The following ZNF692 variants were observed in gnomAD, a reference collection of about 807,000 sequenced individuals.
ZNF692 encodes zinc finger protein 692.
A neutral mutation model predicts 49.0 loss-of-function variants in ZNF692; 41 were observed. The observed-to-expected ratio is 0.84, with a 90% CI of 0.65 to 1.08. The LOEUF (loss-of-function observed/expected upper bound fraction) is 1.08. Ranked by LOEUF, ZNF692 falls within the 50% of genes least tolerant of loss-of-function variation. The probability of loss-of-function intolerance (pLI) is 0.00; values close to 1 mark genes in which losing one functional copy is unlikely to be tolerated. For missense variants in ZNF692, 662 were observed against 662.2 expected, an observed-to-expected ratio of 1.00 and a Z score of 0.00; for synonymous variants, 288 against 251.5, an observed-to-expected ratio of 1.15 and a Z score of -1.37.
At position 248,856,387 on chromosome 1, in the gene ZNF692, G is replaced by A; in HGVS notation, c.560C>T (p.Pro187Leu). ...VGPPPETFPP[P>L]GEEEGEEEED... is the part of the protein sequence containing the mutation. ...TTCTTCCTCACCCTCTTCCTCTCCTGGAGGTGGGAAGGTCTCTGGTGGGGG... is the reference window on the plus strand; with the variant it reads ...TTCTTCCTCACCCTCTTCCTCTCCTAGAGGTGGGAAGGTCTCTGGTGGGGG... Residue 187 changes from proline (P) to leucine (L), a missense_variant, in exon 6 of 12, where the codon CCA becomes CTA. Transcript: ENST00000306601. The A allele has an allele frequency of 1.9e-6, 3 of 1,612,966 alleles. No homozygotes were observed. The highest frequency in any genetic ancestry group is 2.5e-6 in the Non-Finnish European group (3 of 1,179,360).
chr1:248,856,821 G>A (rs920161870), intron 4 of ZNF692, among the ~76,000 whole-genome samples: 2 of 152,178 alleles, frequency 1.3e-5, no homozygotes, highest in Non-Finnish European at 2.9e-5. Context: ...AGGGAGCAGA[G>A]GCTATCTGAG....
intron 10 of ZNF692, 155 bp from the exon 11 acceptor site, chr1:248,850,936 G>A (rs1200471491): frequency 1.3e-6 from 1 of 744,912 alleles, no homozygotes; most frequent in Non-Finnish European, 2.4e-6. Context: ...AGCCCGTCTG[G>A]ACCTCCCTTA....
Position 248,856,318 on chromosome 1 carries a change from C to A in ZNF692, c.629G>T (p.Ser210Ile), listed in dbSNP as rs764140500. The A allele has an allele frequency of 1.2e-6, 2 of 1,604,938 alleles. No individual in the cohort carries two copies. ...TGGGGAGGAGCTGTAGGTCCATAAG[C>A]TGGCATCACTGAGCATCTCCTCTTC... is the stretch of plus-strand genomic sequence containing the variant. ...EDEEEMLSDA[S>I]LWTYSSSPDD... The change falls in exon 6 of 12, where the codon AGC becomes ATC. Residue 210 changes from serine to isoleucine, a missense_variant. Transcript: ENST00000306601.
In ZNF692 at chr1:248,855,313, C is replaced by G. The variant is rs1258173765; in HGVS notation, c.1038+67G>C. On this transcript the variant is annotated intron_variant, in intron 9 of 11. Coordinates refer to ENST00000306601, the MANE Select transcript of ZNF692 (RefSeq NM_017865.4). ...CCTCCCATGCCTTAAGATCCTTTTC[C>G]TCAGTTTTTCTTTTAGCCCTTTCCC... is the stretch of plus-strand genomic sequence containing the variant. 52 of 1,510,802 alleles carry G rather than the reference C, an allele frequency of 3.4e-5. No homozygotes were observed. In the Admixed American group the frequency reaches 7.1e-4, roughly 21 times the overall value. 93.6% of individuals were successfully genotyped at this position (1,510,802 alleles called of 1,614,324 possible). A position where few individuals can be genotyped will look rare whatever the true frequency, so the allele number is the denominator to read the frequency against.
chr1:248,858,473 C>T lies in ZNF692; in HGVS notation c.-12-152G>A, dbSNP rs1327585614. On this transcript the variant is annotated intron_variant, in intron 1 of 11. Transcript: ENST00000306601. This position sits in a 1 kb window ranked among gnomAD's most constrained non-coding sequence, Gnocchi z 4.3. ...CAGTGGCAGGTGTGGAGCCAAACCC[C>T]GTCCTTCTATGATACAGGGTGTTGA... 3.9e-6 allele frequency: 6 copies of T among 1,551,550 alleles called. No individual in the cohort carries two copies. The East Asian group carries it at 7.3e-5, about 19-fold the overall frequency.
chr1:248,855,372 C>A lies in ZNF692; in HGVS notation c.1038+8G>T. 6.2e-7 allele frequency: 1 copy of A among 1,613,992 alleles called. No individual in the cohort carries two copies. The highest frequency in any genetic ancestry group is 8.5e-7 in the Non-Finnish European group (1 of 1,179,884). The stretch of plus-strand genomic sequence containing the variant: ...GCAGCCACACAGGCCCCAACCTGTG[C>A]CCCTCACATTCAAATACTGCCGGTT... On this transcript the variant is annotated splice_region_variant and intron_variant, in intron 9 of 11. Coordinates refer to ENST00000306601, the MANE Select transcript of ZNF692 (RefSeq NM_017865.4).
Position 248,857,810 on chromosome 1 carries a change from C to T in ZNF692, c.211+18G>A, listed in dbSNP as rs112239329. The T allele has an allele frequency of 1.3e-5, 21 of 1,613,130 alleles. No individual in the cohort carries two copies. The African/African-American group carries it at 1.3e-4, about 10-fold the overall frequency. On this transcript the variant is annotated intron_variant, in intron 3 of 11. Coordinates refer to ENST00000306601, the MANE Select transcript of ZNF692 (RefSeq NM_017865.4). ...CCCTCTTCCCTCTGGCTCTCACCCCCTGCCATCCCCTACCTACCTGCACAG... is the reference window on the plus strand; with the variant it reads ...CCCTCTTCCCTCTGGCTCTCACCCCTTGCCATCCCCTACCTACCTGCACAG...
Position 248,850,490 on chromosome 1 carries a change from CG to C in ZNF692, c.1279del (p.Arg427AlafsTer6). ...GTGCCAGTTCAGGGAAGCCTTCTGG[CG>C]GCAGGTAAACCCGCATATCTCACAC... Reference protein sequence around the residue: ...LQCEICGFTCRQKASLNWHQR... With the variant: ...LQCEICGFTCXQKASLNWHQR... On this transcript the variant is annotated frameshift_variant, in exon 12 of 12. Transcript: ENST00000306601. LOFTEE classifies it low-confidence loss of function (END_TRUNC). The C allele has an allele frequency of 1.2e-6, 2 of 1,609,888 alleles. No homozygotes were observed. The highest frequency in any genetic ancestry group is 1.7e-6 in the Non-Finnish European group (2 of 1,177,630).
chr1:248,851,010 C>G (rs973125021), intron 10 of ZNF692: 73 of 669,674 alleles, frequency 1.1e-4, no homozygotes, highest in Non-Finnish European at 1.8e-4. Flanking sequence ...TATTGTCCAC[C>G]CCAGCCCCTG....
In ZNF692 at chr1:248,857,315, C is replaced by T. The variant is rs781183506; in HGVS notation, c.394G>A (p.Glu132Lys). Reference protein sequence around the residue: ...WGPSLSPTPSEAPKPASLPHT... With the variant: ...WGPSLSPTPSKAPKPASLPHT... ...GGAAGGGAGGCTGGCTTGGGTGCCT[C>T]TGAAGGTGTAGGGCTCAAAGAGGGT... The change falls in exon 4 of 12, where the codon GAG becomes AAG. Residue 132 changes from glutamate to lysine, a missense_variant. Coordinates refer to ENST00000306601, the MANE Select transcript of ZNF692 (RefSeq NM_017865.4). 12 of 1,614,184 alleles carry T rather than the reference C, an allele frequency of 7.4e-6. No homozygotes were observed. The highest frequency in any genetic ancestry group is 8.5e-6 in the Non-Finnish European group (10 of 1,180,030).
In ZNF692 at chr1:248,855,451, C is replaced by A; in HGVS notation, c.967G>T (p.Ala323Ser). 1 of 1,614,184 alleles carries A rather than the reference C, an allele frequency of 6.2e-7. No homozygotes were observed. The highest frequency in any genetic ancestry group is 8.5e-7 in the Non-Finnish European group (1 of 1,180,036). The change falls in exon 9 of 12, where the codon GCC (alanine) becomes TCC (serine). Residue 323 changes from alanine (A) to serine (S), a missense_variant. By Grantham distance (99) the Ala-to-Ser change is moderately conservative (BLOSUM62 1). Coordinates refer to ENST00000306601, the MANE Select transcript of ZNF692 (RefSeq NM_017865.4). ...TCACAAGGCATCAGCTCTCTTTTGG[C>A]AGCTTTCCTGAGGAGAAGAATGGAA... is the stretch of plus-strand genomic sequence containing the variant. ...QIGPKRIRKA[A>S]KRELMPCDFP...
At chr1:248,856,112 TG>T in intron 6 of ZNF692, 166 bp from the exon 7 acceptor site, 1 of 1,229,456 alleles carries the variant, frequency 8.1e-7, no homozygotes, top group African/African-American at 1.5e-5. Context: ...TCCCTGCACC[TG>T]ACTTCACCCC....
chr1:248,854,328 CCCTGCAATGT>C (rs1659966499), intron 9 of ZNF692: 1 of 389,580 alleles, frequency 2.6e-6, no homozygotes, highest in Admixed American at 3.8e-5. Context: ...CACACTCTCA[CCCTGCAATGT>C]CCTGCAATGT....
intron 10 of ZNF692, 39 bp from the exon 11 acceptor site, chr1:248,850,820 C>T: frequency 6.3e-7 from 1 of 1,585,726 alleles, no homozygotes; most frequent in South Asian, 1.1e-5. Flanking sequence ...TCTGCCCCCA[C>T]CCTGTGGCCC....
At chr1:248,854,357 C>T (rs1229634533) in intron 9 of ZNF692, 21 of 295,974 alleles carry the variant, frequency 7.1e-5, no homozygotes, top group Non-Finnish European at 1.2e-4. Flanking sequence ...GTTCCCTGTA[C>T]AAAGTATCAC....
intron 10 of ZNF692, 28 bp downstream of exon 10, chr1:248,853,909 C>T: frequency 6.3e-7 from 1 of 1,578,878 alleles, no homozygotes; most frequent in South Asian, 1.1e-5. Flanking sequence ...AAAGGTCCCA[C>T]AGAGGAAGGT....
At chr1:248,853,793 G>A (rs562360099) in intron 10 of ZNF692, 144 bp downstream of exon 10, 596 of 626,280 alleles carry the variant, frequency 9.5e-4, no homozygotes, top group Non-Finnish European at 1.5e-3. Context: ...GTCATCCCTC[G>A]GAGGGAGGTG....
At position 248,850,085 on chromosome 1, in the gene ZNF692, C is replaced by A; in HGVS notation, c.*125G>T. On this transcript the variant is annotated 3_prime_UTR_variant, in exon 12 of 12. Coordinates refer to ENST00000306601, the MANE Select transcript of ZNF692 (RefSeq NM_017865.4). The stretch of plus-strand genomic sequence containing the variant: ...CCCCTACAGCCCAGTCTTGCCCCCA[C>A]CCTGCACTCTGTCGCCTTAGTTCCT... 1 of 1,113,554 alleles carries A rather than the reference C, an allele frequency of 9.0e-7. No homozygotes were observed. The highest frequency in any genetic ancestry group is 1.3e-6 in the Non-Finnish European group (1 of 796,118). The allele number at this position is 1,113,554 out of a possible 1,614,324, so 69.0% of individuals were successfully genotyped here.
At chr1:248,856,095 C>G (rs992464427) in intron 6 of ZNF692, 149 bp from the exon 7 acceptor site, 8 of 1,195,216 alleles carry the variant, frequency 6.7e-6, no homozygotes, top group Non-Finnish European at 9.3e-6. Context: ...GCTTTCAGCC[C>G]TCAATCTCCC....
Sources: gnomAD v4.1 joint callset for allele counts (sites outside exome capture counted in the v4.1 genomes callset) on GRCh38, gnomAD v4.1.1 for gene constraint, Gnocchi (gnomAD v3.1) non-coding constraint, MANE v1.5 for transcripts, NCBI Gene and HGNC (gene_info 2026-07-23, HGNC 2026-07-21) for gene names.